ANO10: variants seen among roughly 807,000 people sequenced by gnomAD.
ANO10 encodes anoctamin 10, also known as anoctamin-10.
In ANO10, 77 loss-of-function variants were observed where a neutral mutation model predicts 74.7. That is an observed-to-expected ratio of 1.03 (90% CI 0.86 to 1.25). The LOEUF is 1.25. Ranked by LOEUF, ANO10 falls within the 50% of genes most tolerant of loss-of-function variation. The pLI is 0.00. For missense variants in ANO10, 721 were observed against 778.1 expected (o/e 0.93, Z 0.87); for synonymous variants, 279 against 284.9 (o/e 0.98, Z 0.21).
rs1457842057 is a variant in ANO10, at chr3:43,600,392, C to T, written c.329G>A (p.Gly110Asp). 7 of 1,613,992 alleles carry T rather than the reference C, an allele frequency of 4.3e-6. No individual in the cohort carries two copies. The highest frequency in any genetic ancestry group is 5.9e-6 in the Non-Finnish European group (7 of 1,179,918). The change falls in exon 3 of 13, where the codon GGT (glycine) becomes GAT (aspartate). Residue 110 changes from glycine (G) to aspartate (D), a missense_variant. By Grantham distance (94) the Gly-to-Asp change is moderately conservative. Coordinates refer to ENST00000292246, the MANE Select transcript of ANO10 (RefSeq NM_018075.5). ...FTYRTRQNFKGFDDNNDDFLT... is the reference protein window; with the variant it reads ...FTYRTRQNFKDFDDNNDDFLT... ...AAGAACTTAGGGCTTACCATCAAAA[C>T]CTTTGAAGTTCTGTCTGGTTCTGTA...
chr3:43,600,666 A>G (rs555525620), intron 2 of ANO10, 85 bp from the exon 3 acceptor site: 1,182 of 1,178,212 alleles, frequency 1.0e-3, no homozygotes, highest in Non-Finnish European at 1.3e-3. Context: ...TAATGTTTCT[A>G]GTCTGGTAGA....
At chr3:43,432,765 C>G in intron 11 of ANO10, 38 bp from the exon 12 acceptor site, 1 of 1,280,732 alleles carries the variant, frequency 7.8e-7, no homozygotes, top group Non-Finnish European at 1.1e-6. Flanking sequence ...TGTGATACAT[C>G]AGACCATATA....
intron 12 of ANO10, among the ~76,000 whole-genome samples, chr3:43,418,567 T>C (rs2092776114): frequency 6.6e-6 from 1 of 152,252 alleles, no homozygotes; most frequent in African/African-American, 2.4e-5. Flanking sequence ...GCTTCAACAA[T>C]GATTAACTCA....
chr3:43,453,439 A>C (rs1283919128), intron 11 of ANO10, among the ~76,000 whole-genome samples: 3 of 152,134 alleles, frequency 2.0e-5, no homozygotes, highest in African/African-American at 7.2e-5. Context: ...TCGGCCTCCC[A>C]AAGTGCTGGG....
intron 1 of ANO10, among the ~76,000 whole-genome samples, chr3:43,655,460 G>C (rs1343001990): frequency 6.6e-6 from 1 of 152,210 alleles, no homozygotes; most frequent in African/African-American, 2.4e-5. Context: ...AAGAGCGAAA[G>C]AACAAAGCTT....
intron 11 of ANO10, among the ~76,000 whole-genome samples, chr3:43,483,007 A>G (rs1160940589): frequency 6.6e-6 from 1 of 152,170 alleles, no homozygotes; most frequent in African/African-American, 2.4e-5. Flanking sequence ...AAGAAAGAGA[A>G]TGTTTATTAA....
chr3:43,659,794 C>G (rs947759231), intron 1 of ANO10, among the ~76,000 whole-genome samples: 2 of 152,166 alleles, frequency 1.3e-5, no homozygotes, highest in African/African-American at 4.8e-5. Context: ...CCCTGACCCC[C>G]ATGTAGCCTG....
chr3:43,466,369 C>CA (rs36126977), intron 11 of ANO10, among the ~76,000 whole-genome samples: 13,749 of 44,980 alleles, frequency 0.31, 1,755 homozygotes, highest in Non-Finnish European at 0.4. Flanking sequence ...GACTCCATCT[C>CA]AAAAAAAAAA....
At chr3:43,658,042 C>G (rs1273262747) in intron 1 of ANO10, among the ~76,000 whole-genome samples, 1 of 152,124 alleles carries the variant, frequency 6.6e-6, no homozygotes, top group East Asian at 1.9e-4. Context: ...CTTTTCCCAG[C>G]TAGTCCTCCC....
chr3:43,408,847 T>C (rs897419177), intron 12 of ANO10, among the ~76,000 whole-genome samples: 2 of 151,084 alleles, frequency 1.3e-5, no homozygotes, highest in Non-Finnish European at 3.0e-5. Context: ...CTGGCCAACA[T>C]GGTGAAACCC....
At chr3:43,594,288 C>G (rs1421740138) in intron 4 of ANO10, among the ~76,000 whole-genome samples, 1 of 152,188 alleles carries the variant, frequency 6.6e-6, no homozygotes, top group African/African-American at 2.4e-5. Context: ...AACTCTCCAC[C>G]CCAAATCAAC....
intron 12 of ANO10, among the ~76,000 whole-genome samples, chr3:43,391,839 C>T (rs1559502150): frequency 6.6e-6 from 1 of 152,130 alleles, no homozygotes; most frequent in East Asian, 1.9e-4. Context: ...GAGAGAGATC[C>T]TGAGTCAGAG....
At chr3:43,537,617 ACAC>A (rs2078773152) in intron 11 of ANO10, among the ~76,000 whole-genome samples, 1 of 147,906 alleles carries the variant, frequency 6.8e-6, no homozygotes, top group Non-Finnish European at 1.5e-5. Flanking sequence ...TAAACCACAC[ACAC>A]ACACACACAC....
chr3:43,451,325 G>A (rs1305487302), intron 11 of ANO10, among the ~76,000 whole-genome samples: 12 of 152,172 alleles, frequency 7.9e-5, no homozygotes, highest in African/African-American at 2.4e-4. Context: ...TGTACCCACC[G>A]ACTAGTCTAT....
intron 11 of ANO10, among the ~76,000 whole-genome samples, chr3:43,504,095 C>G (rs1286694201): frequency 6.6e-6 from 1 of 151,938 alleles, no homozygotes; most frequent in Admixed American, 6.6e-5. Flanking sequence ...ATGGTGAAAC[C>G]CTGTCTCTAC....
intron 11 of ANO10, among the ~76,000 whole-genome samples, chr3:43,532,690 T>C (rs1019125775): frequency 6.6e-6 from 1 of 152,200 alleles, no homozygotes; most frequent in South Asian, 2.1e-4. Flanking sequence ...CAAAAATCTC[T>C]CAAGCTATAT....
chr3:43,412,118 T>C (rs566043061), intron 12 of ANO10, among the ~76,000 whole-genome samples: 13 of 151,296 alleles, frequency 8.6e-5, no homozygotes, highest in South Asian at 2.1e-4. Flanking sequence ...TCTGGATAGT[T>C]ATAAATGGAC....
chr3:43,594,348 C>G (rs2081969147), intron 4 of ANO10, among the ~76,000 whole-genome samples: 1 of 152,124 alleles, frequency 6.6e-6, no homozygotes, highest in South Asian at 2.1e-4. Flanking sequence ...CAAAATTGAC[C>G]ACATAGTCGG....
intron 1 of ANO10, among the ~76,000 whole-genome samples, chr3:43,644,201 G>A (rs939524155): frequency 6.6e-6 from 1 of 152,038 alleles, no homozygotes; most frequent in Non-Finnish European, 1.5e-5. Flanking sequence ...TGTATATTTG[G>A]ATCTCTGGTC....
Sources: allele counts gnomAD v4.1 joint callset (sites outside exome capture counted in the v4.1 genomes callset), GRCh38; gene constraint gnomAD v4.1.1; transcripts MANE v1.5; gene names NCBI Gene and HGNC (gene_info 2026-07-23, HGNC 2026-07-21).